ERAL1: variants seen among roughly 807,000 people sequenced by gnomAD.
ERAL1 encodes GTPase Era, mitochondrial.
ERAL1 carries 36 observed loss-of-function variants against 53.6 expected under a neutral mutation model. That is an observed-to-expected ratio of 0.67 (90% CI 0.51 to 0.89). The LOEUF (loss-of-function observed/expected upper bound fraction) is 0.89. Ranked by LOEUF, ERAL1 falls within the 40% of genes least tolerant of loss-of-function variation. ERAL1 has a pLI of 0.00. For synonymous variants in ERAL1, 215 were observed against 211.8 expected (o/e 1.02, Z -0.13); for missense variants, 512 against 537.5 (o/e 0.95, Z 0.47).
chr17:28,856,060 A>G (rs2039238721), intron 1 of ERAL1, among the ~76,000 whole-genome samples: 1 of 152,202 alleles, frequency 6.6e-6, no homozygotes, highest in Non-Finnish European at 1.5e-5. Flanking sequence ...ACTCACTTTT[A>G]CATATGAGAA....
chr17:28,856,487 C>G lies in ERAL1; in HGVS notation c.412-18C>G. ...GGAGGGATCTGGGACCTCACTGAGA[C>G]TCCTTTGTTCCTGGCAGGTGTTCCC... On this transcript the variant is annotated intron_variant, in intron 2 of 9. Transcript: ENST00000254928. 6.2e-7 allele frequency: 1 copy of G among 1,613,670 alleles called. No homozygotes were observed. Among genetic ancestry groups the G allele is most frequent in the South Asian group, 1.1e-5 (1 of 91,072 alleles).
rs766215501 is a variant in ERAL1 at position 28,858,961 on chromosome 17, C to A, written c.961-3C>A. The stretch of plus-strand genomic sequence containing the variant: ...TGCCCATCTATTCCCTCTGTTCCCA[C>A]AGCAATACCTTCTGACACAGGCCCA... On this transcript the variant is annotated splice_polypyrimidine_tract_variant and splice_region_variant and intron_variant, in intron 7 of 9. Coordinates refer to ENST00000254928, the MANE Select transcript of ERAL1 (RefSeq NM_005702.4). 1.9e-5 allele frequency: 30 copies of A among 1,613,928 alleles called. No individual in the cohort carries two copies. The highest frequency in any genetic ancestry group is 2.5e-5 in the Non-Finnish European group (30 of 1,180,028).
intron 7 of ERAL1, 28 bp downstream of exon 7, chr17:28,858,852 C>A (rs1438959222): frequency 6.2e-7 from 1 of 1,613,826 alleles, no homozygotes; most frequent in East Asian, 2.2e-5. Flanking sequence ...ATAGCCTGGC[C>A]CTTGGTTTCT....
intron 8 of ERAL1, 40 bp downstream of exon 8, chr17:28,859,153 A>G: frequency 6.2e-7 from 1 of 1,614,096 alleles, no homozygotes; most frequent in Non-Finnish European, 8.5e-7. Context: ...TATCAGACAC[A>G]CACCTCTACC....
intron 3 of ERAL1, among the ~76,000 whole-genome samples, chr17:28,857,215 C>G (rs2039255875): frequency 6.6e-6 from 1 of 150,616 alleles, no homozygotes. Context: ...TTAAGCAGTT[C>G]TCCTGCCTCA....
At chr17:28,859,847 G>T (rs1047856618) in intron 9 of ERAL1, among the ~76,000 whole-genome samples, 6 of 152,220 alleles carry the variant, frequency 3.9e-5, no homozygotes, top group African/African-American at 1.2e-4. Flanking sequence ...TTTTTGTAGA[G>T]AAGGGGTTTC....
rs750657799 is a variant in ERAL1 at position 28,855,249 on chromosome 17, A to G, written c.215A>G (p.His72Arg). ...AATGGCCAGGGCTCTGCCCTGGACC[A>G]CTTCCTCGGATTCTCTCAGCCCGAC... is the stretch of plus-strand genomic sequence containing the variant. ...RSNGQGSALD[H>R]FLGFSQPDSS... is the part of the protein sequence containing the mutation. The change falls in exon 1 of 10, where the codon CAC (histidine) becomes CGC (arginine). Residue 72 changes from histidine to arginine, a missense_variant. His to Arg is a conservative substitution (Grantham distance 29). Transcript: ENST00000254928. 6.2e-7 allele frequency: 1 copy of G among 1,612,792 alleles called. No individual in the cohort carries two copies. The highest frequency in any genetic ancestry group is 8.5e-7 in the Non-Finnish European group (1 of 1,179,168).
intron 9 of ERAL1, 61 bp downstream of exon 9, chr17:28,859,344 A>G (rs1011417457): frequency 1.3e-6 from 2 of 1,529,796 alleles, no homozygotes; most frequent in African/African-American, 2.7e-5. Flanking sequence ...TTCTTCCCCC[A>G]GCTTGGAGCC....
At chr17:28,859,177 G>A (rs764896533) in intron 8 of ERAL1, 26 bp from the exon 9 acceptor site, 2 of 1,614,142 alleles carry the variant, frequency 1.2e-6, no homozygotes, top group East Asian at 2.2e-5. Context: ...GTGTATGACT[G>A]ACTAATCATT....
Position 28,855,174 on chromosome 17 carries a change from T to G in ERAL1, c.140T>G (p.Val47Gly), listed in dbSNP as rs1482575995. 1.2e-6 allele frequency: 2 copies of G among 1,614,246 alleles called. No homozygotes were observed. The highest frequency in any genetic ancestry group is 1.7e-5 in the Admixed American group (1 of 60,028). ...TTCCAACGGAGGTGCGTGTCCTGCGTCGCGGGGTCCGCTTTCTCTGGTCCC... is the reference window on the plus strand; with the variant it reads ...TTCCAACGGAGGTGCGTGTCCTGCGGCGCGGGGTCCGCTTTCTCTGGTCCC... ...LGFQRRCVSC[V>G]AGSAFSGPRL... The change falls in exon 1 of 10, where the codon GTC becomes GGC. Residue 47 changes from valine (V) to glycine (G), a missense_variant. By Grantham distance (109) the Val-to-Gly change is moderately radical. Coordinates refer to ENST00000254928, the MANE Select transcript of ERAL1 (RefSeq NM_005702.4).
At chr17:28,856,173 C>T in intron 1 of ERAL1, 91 bp from the exon 2 acceptor site, 1 of 1,524,230 alleles carries the variant, frequency 6.6e-7, no homozygotes. Flanking sequence ...TAATTTTGTA[C>T]CCCTGCTCCC....
Position 28,859,297 on chromosome 17 carries a change from G to T in ERAL1, c.1191+14G>T, listed in dbSNP as rs764267971. The stretch of plus-strand genomic sequence containing the variant: ...GAATCTTATGTGGTAAGTGAGACTA[G>T]GCTCAGAGGAGAGATCAAGACTATG... On this transcript the variant is annotated intron_variant, in intron 9 of 9. Coordinates refer to ENST00000254928, the MANE Select transcript of ERAL1 (RefSeq NM_005702.4). 1 of 1,613,628 alleles carries T rather than the reference G, an allele frequency of 6.2e-7. No individual in the cohort carries two copies. Among genetic ancestry groups the T allele is most frequent in the Non-Finnish European group, 8.5e-7 (1 of 1,179,776 alleles).
chr17:28,856,048 C>A (rs2039238604), intron 1 of ERAL1, among the ~76,000 whole-genome samples: 1 of 152,126 alleles, frequency 6.6e-6, no homozygotes, highest in South Asian at 2.1e-4. Context: ...CTGTTAATAT[C>A]AACTCACTTT....
chr17:28,860,582 T>A lies in ERAL1; in HGVS notation c.*29T>A, dbSNP rs2039296232. 1 of 1,565,572 alleles carries A rather than the reference T, an allele frequency of 6.4e-7. No homozygotes were observed. ...CCCTCTACTGACCCTCCCAGGGCAT[T>A]CCAGCTCAAGCTGCTGGCAGGAACT... On this transcript the variant is annotated 3_prime_UTR_variant, in exon 10 of 10. Coordinates refer to ENST00000254928, the MANE Select transcript of ERAL1 (RefSeq NM_005702.4).
In ERAL1 at chr17:28,860,810, G is replaced by T. The variant is rs551544463; in HGVS notation, c.*257G>T. ...ACAGCTACAAAGGTGTAGCTAAGAA[G>T]ATGGCCCATTGGTGGGAGCAATGTC... On this transcript the variant is annotated 3_prime_UTR_variant, in exon 10 of 10. Transcript: ENST00000254928. 3.4e-4 allele frequency: 96 copies of T among 286,196 alleles called. 1 individual carries two copies. The highest frequency in any genetic ancestry group is 1.8e-3 in the African/African-American group (80 of 44,562). The allele number at this position is 286,196 out of a possible 1,614,324, so 17.7% of individuals were successfully genotyped here.
intron 2 of ERAL1, 51 bp from the exon 3 acceptor site, chr17:28,856,454 A>G: frequency 6.2e-7 from 1 of 1,613,244 alleles, no homozygotes; most frequent in Admixed American, 1.7e-5. Context: ...GCCTTCAAGG[A>G]TGGTCTTGGA....
chr17:28,859,384 T>G (rs1281247189), intron 9 of ERAL1, 101 bp downstream of exon 9: 5 of 1,122,150 alleles, frequency 4.5e-6, no homozygotes, highest in Admixed American at 4.9e-5. Flanking sequence ...CTTCTCTCTT[T>G]TTTTCTTCTT....
Position 28,858,452 on chromosome 17 carries a change from A to G in ERAL1, c.677A>G (p.Tyr226Cys). 1.2e-6 allele frequency: 2 copies of G among 1,613,740 alleles called. No homozygotes were observed. Among genetic ancestry groups the G allele is most frequent in the Non-Finnish European group, 1.7e-6 (2 of 1,179,946 alleles). The change falls in exon 6 of 10, where the codon TAC becomes TGC. Residue 226 changes from tyrosine (Y) to cysteine (C), a missense_variant. Coordinates refer to ENST00000254928, the MANE Select transcript of ERAL1 (RefSeq NM_005702.4). ...SPQLLRCLTK[Y>C]SQIPSVLVMN... is the part of the protein sequence containing the mutation. ...CAGTTGCTCAGGTGCTTGACCAAGT[A>G]CTCCCAGATCCCTAGTGTCCTGGTC...
chr17:28,858,334 A>T (rs1350814137), intron 5 of ERAL1, 40 bp from the exon 6 acceptor site: 1 of 1,610,354 alleles, frequency 6.2e-7, no homozygotes, highest in African/African-American at 1.3e-5. Context: ...AGGAAGAGTG[A>T]CCATTTCCTT....
Sources: allele counts gnomAD v4.1 joint callset (sites outside exome capture counted in the v4.1 genomes callset), GRCh38; gene constraint gnomAD v4.1.1; transcripts MANE v1.5; gene names NCBI Gene and HGNC (gene_info 2026-07-23, HGNC 2026-07-21).